The following ITGA9 variants were observed in gnomAD, a reference collection of about 807,000 sequenced individuals.
ITGA9 encodes the protein integrin subunit alpha 9.
A neutral mutation model predicts 127.8 loss-of-function variants in ITGA9; 56 were observed. The ratio of observed to expected loss-of-function variants is 0.44; its 90% CI spans 0.35 to 0.55. The LOEUF (loss-of-function observed/expected upper bound fraction) is 0.55. Among genes scored for constraint, ITGA9 ranks in the 20% least tolerant of loss-of-function variants. The pLI is 0.00. For missense variants in ITGA9, 1,196 were observed against 1,347.1 expected, an observed-to-expected ratio of 0.89 and a Z score of 1.76; for synonymous variants, 508 against 514.5, an observed-to-expected ratio of 0.99 and a Z score of 0.17.
intron 3 of ITGA9, among the ~76,000 whole-genome samples, chr3:37,479,958 TGC>T (rs1346749233): frequency 1.3e-5 from 2 of 152,092 alleles, no homozygotes; most frequent in Non-Finnish European, 2.9e-5. Context: ...ACGAAAACAA[TGC>T]GTTTGAGGGA....
chr3:37,688,707 ATT>A (rs1700803070), intron 18 of ITGA9, among the ~76,000 whole-genome samples: 1 of 151,950 alleles, frequency 6.6e-6, no homozygotes, highest in African/African-American at 2.4e-5. Flanking sequence ...CCCACCCCCC[ATT>A]TTTGTTTAAT....
Position 37,814,633 on chromosome 3 carries a change from A to T in ITGA9, c.3010-4258A>T, listed in dbSNP as rs1394703749. Among the ~76,000 whole-genome samples the T allele has an allele frequency of 9.9e-5, 15 of 152,184 alleles. No individual in the cohort carries two copies. In the East Asian group the frequency reaches 2.9e-3, roughly 29 times the overall value. On this transcript the variant is annotated intron_variant, in intron 27 of 27. Coordinates refer to ENST00000264741, the MANE Select transcript of ITGA9 (RefSeq NM_002207.3). The surrounding 1 kb of genome is among the most constrained non-coding windows in gnomAD (Gnocchi z 4.3). ...ACTAGACTATAGGGTACCTTTGTGC[A>T]AACTATAATAGTAAATAGCACCGCT...
chr3:37,481,332 G>A, intron 3 of ITGA9, 152 bp from the exon 4 acceptor site: 2 of 949,852 alleles, frequency 2.1e-6, no homozygotes, highest in Non-Finnish European at 3.4e-6. Flanking sequence ...GTTTTCTGAT[G>A]CCCAGAAAAG....
chr3:37,598,348 T>C (rs1699887352), intron 15 of ITGA9, among the ~76,000 whole-genome samples: 1 of 152,156 alleles, frequency 6.6e-6, no homozygotes, highest in Admixed American at 6.5e-5. Flanking sequence ...GGCAGAAGCC[T>C]CTCTGCCCTG....
chr3:37,803,748 TG>T, intron 26 of ITGA9, 74 bp from the exon 27 acceptor site: 1 of 1,573,532 alleles, frequency 6.4e-7, no homozygotes, highest in Non-Finnish European at 8.7e-7. Context: ...CACTCCAGCC[TG>T]GGTGACAGAA....
intron 22 of ITGA9, chr3:37,748,621 C>T (rs13083907): frequency 0.048 from 24,138 of 500,496 alleles, 1,304 homozygotes; most frequent in African/African-American, 0.15. Context: ...GTGGCAGCCA[C>T]CTGTAATCCC....
At position 37,819,146 on chromosome 3, in the gene ITGA9, C is replaced by G. The variant is rs1238941534; in HGVS notation, c.*157C>G. 1 of 686,442 alleles carries G rather than the reference C, an allele frequency of 1.5e-6. No individual in the cohort carries two copies. The highest frequency in any genetic ancestry group is 2.6e-6 in the Non-Finnish European group (1 of 378,282). The allele number at this position is 686,442 out of a possible 1,614,324, so 42.5% of individuals were successfully genotyped here. A position where few individuals can be genotyped will look rare whatever the true frequency, so the allele number is the denominator to read the frequency against. On this transcript the variant is annotated 3_prime_UTR_variant, in exon 28 of 28. Coordinates refer to ENST00000264741, the MANE Select transcript of ITGA9 (RefSeq NM_002207.3). ...ATCAAGCCCAGGTGCCAGCCTGAGG[C>G]AGCCACTTCGGCCAGGTCACACGAC... is the stretch of plus-strand genomic sequence containing the variant.
At chr3:37,659,212 G>A (rs927881402) in intron 17 of ITGA9, among the ~76,000 whole-genome samples, 2 of 152,224 alleles carry the variant, frequency 1.3e-5, no homozygotes, top group African/African-American at 2.4e-5. Flanking sequence ...TCCTGAATTT[G>A]AATGTTAGCC....
Position 37,494,490 on chromosome 3 carries a change from C to G in ITGA9, c.545-11C>G. 1 of 1,602,280 alleles carries G rather than the reference C, an allele frequency of 6.2e-7. No individual in the cohort carries two copies. The highest frequency in any genetic ancestry group is 8.5e-7 in the Non-Finnish European group (1 of 1,169,598). ...GCTGTGGTTTGCTTCTCTCTCCTTC[C>G]TTCCCCCTAGAGTATAAGAAGAAGT... On this transcript the variant is annotated splice_polypyrimidine_tract_variant and intron_variant, in intron 4 of 27. Coordinates refer to ENST00000264741, the MANE Select transcript of ITGA9 (RefSeq NM_002207.3).
intron 26 of ITGA9, among the ~76,000 whole-genome samples, chr3:37,803,147 G>A (rs1388485720): frequency 1.3e-5 from 2 of 152,190 alleles, no homozygotes; most frequent in Non-Finnish European, 2.9e-5. Context: ...TACATGCAGA[G>A]CACTCCCGTG....
Position 37,779,961 on chromosome 3 carries a change from T to G in ITGA9, c.2727T>G (p.Ala909=), listed in dbSNP as rs1559596598. ...LTAHCNFSAL[A]KEESRTIDIY... Reference sequence around the variant, plus strand: ...CACACTGTAACTTTAGTGCTCTTGCTAAAGAAGAAAGTCGTACTATAGACA... The same window carrying G: ...CACACTGTAACTTTAGTGCTCTTGCGAAAGAAGAAAGTCGTACTATAGACA... Residue 909 remains alanine, a synonymous_variant, in exon 25 of 28, where the codon GCT becomes GCG. Transcript: ENST00000264741. 3 of 1,613,896 alleles carry G rather than the reference T, an allele frequency of 1.9e-6. No homozygotes were observed. The highest frequency in any genetic ancestry group is 2.5e-6 in the Non-Finnish European group (3 of 1,179,886).
At chr3:37,702,517 C>A (rs1700958249) in intron 18 of ITGA9, among the ~76,000 whole-genome samples, 1 of 152,052 alleles carries the variant, frequency 6.6e-6, no homozygotes, top group Non-Finnish European at 1.5e-5. Context: ...AAGCCCATGG[C>A]CTTTGAATAG....
At chr3:37,569,017 A>T (rs1699576105) in intron 15 of ITGA9, among the ~76,000 whole-genome samples, 1 of 152,134 alleles carries the variant, frequency 6.6e-6, no homozygotes, top group Non-Finnish European at 1.5e-5. Flanking sequence ...GATAAAGACA[A>T]CAATACCCCA....
chr3:37,706,519 T>A (rs1021066453), intron 18 of ITGA9, among the ~76,000 whole-genome samples: 7 of 152,152 alleles, frequency 4.6e-5, no homozygotes, highest in Non-Finnish European at 1.0e-4. Flanking sequence ...GTGCTAAGAC[T>A]TTTTTGAGAA....
intron 13 of ITGA9, 23 bp downstream of exon 13, chr3:37,526,094 C>G (rs373348793): frequency 2.2e-4 from 358 of 1,608,960 alleles, no homozygotes; most frequent in Non-Finnish European, 2.6e-4. Context: ...ACTCTTGCTC[C>G]TTGAATTGTG....
intron 26 of ITGA9, among the ~76,000 whole-genome samples, chr3:37,800,672 C>T (rs1035623489): frequency 1.3e-5 from 2 of 152,202 alleles, no homozygotes; most frequent in African/African-American, 2.4e-5. Context: ...CACCTCCTAC[C>T]AGTAAATGTT....
At chr3:37,777,289 G>C (rs1696919804) in intron 23 of ITGA9, 103 bp from the exon 24 acceptor site, 1 of 1,303,480 alleles carries the variant, frequency 7.7e-7, no homozygotes, top group Non-Finnish European at 1.1e-6. Context: ...AAGGAGGAAA[G>C]GTGAATTGGG....
At chr3:37,573,007 C>T (rs1699617881) in intron 15 of ITGA9, 1 of 152,184 alleles carries the variant, frequency 6.6e-6, no homozygotes, top group African/African-American at 2.4e-5. Context: ...CTTAAACTGT[C>T]CCATTTAATC....
chr3:37,528,305 A>T (rs1699115323), intron 13 of ITGA9, among the ~76,000 whole-genome samples: 1 of 152,224 alleles, frequency 6.6e-6, no homozygotes, highest in African/African-American at 2.4e-5. Context: ...GGGAGACCCC[A>T]GACTCCAGCC....
Sources: gnomAD v4.1 joint callset for allele counts (sites outside exome capture counted in the v4.1 genomes callset) on GRCh38, gnomAD v4.1.1 for gene constraint, Gnocchi (gnomAD v3.1) non-coding constraint, MANE v1.5 for transcripts, NCBI Gene and HGNC (gene_info 2026-07-23, HGNC 2026-07-21) for gene names.